Variants in UBLCP1 observed in about 807,000 individuals in gnomAD.
The protein encoded by UBLCP1 is ubiquitin-like domain-containing CTD phosphatase 1.
UBLCP1 carries 28 observed loss-of-function variants against 42.4 expected under a neutral mutation model. The ratio of observed to expected loss-of-function variants is 0.66; its 90% CI spans 0.49 to 0.90. UBLCP1 has a LOEUF of 0.90. Among genes scored for constraint, UBLCP1 ranks in the 40% least tolerant of loss-of-function variants. UBLCP1 has a pLI of 0.00. For synonymous variants in UBLCP1, 122 were observed against 120.8 expected, an observed-to-expected ratio of 1.01 and a Z score of -0.07; for missense variants, 279 against 374.5, an observed-to-expected ratio of 0.75 and a Z score of 2.10.
intron 6 of UBLCP1, among the ~76,000 whole-genome samples, chr5:159,273,050 A>T (rs1753490563): frequency 6.6e-6 from 1 of 152,162 alleles, no homozygotes; most frequent in Non-Finnish European, 1.5e-5. Context: ...GAGAGAAATT[A>T]TGTTAGTTGT....
intron 2 of UBLCP1, among the ~76,000 whole-genome samples, chr5:159,269,655 TTAGG>T (rs1195804136): frequency 1.3e-5 from 2 of 152,300 alleles, no homozygotes; most frequent in Middle Eastern, 3.4e-3. Context: ...TTAATTTTGT[TTAGG>T]TAGTTGAATA....
rs1432387170 is a variant in UBLCP1, at chr5:159,269,051, C to T, written c.136C>T (p.Leu46Phe). Residue 46 changes from leucine (L) to phenylalanine (F), a missense_variant, in exon 2 of 11, where the codon CTT becomes TTT. By Grantham distance (22) the Leu-to-Phe change is conservative (BLOSUM62 0). Coordinates refer to ENST00000296786, the MANE Select transcript of UBLCP1 (RefSeq NM_145049.5). ...TGVLPERQKL[L>F]GLKVKGKPAE... ...AGTTCTTCCAGAACGCCAAAAGTTA[C>T]TTGGACTCAAAGTTAAAGGTAATTC... The T allele has an allele frequency of 1.9e-6, 3 of 1,586,756 alleles. No individual in the cohort carries two copies. Among genetic ancestry groups the T allele is most frequent in the African/African-American group, 1.4e-5 (1 of 73,500 alleles).
intron 6 of UBLCP1, among the ~76,000 whole-genome samples, chr5:159,273,781 AT>A (rs1156730863): frequency 1.3e-5 from 2 of 151,020 alleles, no homozygotes; most frequent in East Asian, 4.0e-4. Flanking sequence ...GTATGTGTGC[AT>A]GCTGAAGATT....
At chr5:159,276,801 A>G (rs1229607240) in intron 8 of UBLCP1, among the ~76,000 whole-genome samples, 1 of 152,086 alleles carries the variant, frequency 6.6e-6, no homozygotes, top group Non-Finnish European at 1.5e-5. Flanking sequence ...GAACCTGTCA[A>G]CTCTCTGAGG....
chr5:159,272,618 C>G (rs1753484211), intron 6 of UBLCP1, among the ~76,000 whole-genome samples: 1 of 151,956 alleles, frequency 6.6e-6, no homozygotes, highest in Non-Finnish European at 1.5e-5. Context: ...TCCTTTTTTC[C>G]TGACTCCAGT....
At chr5:159,278,059 A>G (rs1163029803) in intron 8 of UBLCP1, among the ~76,000 whole-genome samples, 179 bp from the exon 9 acceptor site, 1 of 152,220 alleles carries the variant, frequency 6.6e-6, no homozygotes, top group Admixed American at 6.5e-5. Context: ...AGAAGTTTTA[A>G]TATTGCAAAA....
At chr5:159,278,211 G>T in intron 8 of UBLCP1, 27 bp from the exon 9 acceptor site, 1 of 1,462,984 alleles carries the variant, frequency 6.8e-7, no homozygotes, top group South Asian at 1.1e-5. Flanking sequence ...GATAAAATTT[G>T]AGTTAAATGT....
intron 1 of UBLCP1, among the ~76,000 whole-genome samples, chr5:159,267,164 T>C (rs1207798986): frequency 2.0e-5 from 3 of 152,298 alleles, no homozygotes; most frequent in Non-Finnish European, 2.9e-5. Context: ...TGAAAGCAGC[T>C]GGGAGGGAGG....
intron 5 of UBLCP1, 95 bp downstream of exon 5, chr5:159,270,738 C>A: frequency 1.4e-6 from 1 of 725,386 alleles, no homozygotes; most frequent in Non-Finnish European, 2.1e-6. Flanking sequence ...ACTCATGGTT[C>A]TCGTGAAATA....
chr5:159,284,297 C>A (rs1045066947), intron 10 of UBLCP1, among the ~76,000 whole-genome samples: 2 of 152,164 alleles, frequency 1.3e-5, no homozygotes, highest in Non-Finnish European at 2.9e-5. Context: ...CTTTCCCCAT[C>A]CCCACACCAC....
chr5:159,273,536 G>A (rs1753496877), intron 6 of UBLCP1, among the ~76,000 whole-genome samples: 1 of 152,134 alleles, frequency 6.6e-6, no homozygotes, highest in Non-Finnish European at 1.5e-5. Context: ...TGTAAGAATA[G>A]AAGTATCAAT....
intron 7 of UBLCP1, among the ~76,000 whole-genome samples, chr5:159,274,857 C>T (rs926291254): frequency 6.6e-6 from 1 of 152,142 alleles, no homozygotes; most frequent in Non-Finnish European, 1.5e-5. Flanking sequence ...CACATTCTTC[C>T]TCATTTTACA....
At chr5:159,270,085 T>C (rs925594816) in intron 3 of UBLCP1, 86 bp downstream of exon 3, 5 of 1,193,012 alleles carry the variant, frequency 4.2e-6, no homozygotes, top group Non-Finnish European at 5.8e-6. Flanking sequence ...TTAATTGTGG[T>C]AAAATTGTCA....
chr5:159,272,835 G>A (rs1753487153), intron 6 of UBLCP1, among the ~76,000 whole-genome samples: 1 of 152,168 alleles, frequency 6.6e-6, no homozygotes, highest in South Asian at 2.1e-4. Context: ...TACTGTAATC[G>A]TAAGCACACT....
chr5:159,275,820 A>G (rs1753529129), intron 8 of UBLCP1, among the ~76,000 whole-genome samples: 1 of 152,220 alleles, frequency 6.6e-6, no homozygotes, highest in Non-Finnish European at 1.5e-5. Context: ...TGACAGCACA[A>G]TGTTACTGGG....
intron 1 of UBLCP1, among the ~76,000 whole-genome samples, chr5:159,268,632 G>A (rs1157352245): frequency 6.6e-6 from 1 of 152,170 alleles, no homozygotes; most frequent in Non-Finnish European, 1.5e-5. Flanking sequence ...ATTTCCAGTT[G>A]AACAGTGAGA....
At chr5:159,284,852 T>C (rs1300364933) in intron 10 of UBLCP1, 52 bp from the exon 11 acceptor site, 1 of 1,598,806 alleles carries the variant, frequency 6.3e-7, no homozygotes, top group Non-Finnish European at 8.6e-7. Context: ...TTAGGTTATC[T>C]TCATGAATTT....
In UBLCP1 at chr5:159,278,240, A is replaced by G. The variant is rs536569341; in HGVS notation, c.687A>G (p.Val229=). Reference sequence around the variant, plus strand: ...TAAATGTAAACTTTTATTCTAAGGTAAAGCCTCTTGGTGTTATATGGGGAA... The same window carrying G: ...TAAATGTAAACTTTTATTCTAAGGTGAAGCCTCTTGGTGTTATATGGGGAA... ...VHTPRRGLID[V]KPLGVIWGKF... Residue 229 remains valine (V), a splice_region_variant and synonymous_variant, in exon 9 of 11, where the codon GTA becomes GTG. Transcript: ENST00000296786. 17 of 1,603,284 alleles carry G rather than the reference A, an allele frequency of 1.1e-5. No homozygotes were observed. The African/African-American group carries it at 1.3e-4, about 13-fold the overall frequency.
chr5:159,284,905 T>TA lies in UBLCP1; in HGVS notation c.932dup (p.Tyr311Ter). The TA allele has an allele frequency of 6.2e-7, 1 of 1,613,068 alleles. No homozygotes were observed. The highest frequency in any genetic ancestry group is 8.5e-7 in the Non-Finnish European group (1 of 1,179,414). ...LDLNHKYWER[Y>*]LSKKQGQ ...ACATCTTTATTTTATTTCTTGCAGA[T>TA]ATCTCTCAAAGAAGCAAGGACAGTA... is the stretch of plus-strand genomic sequence containing the variant. Residue 311 changes from tyrosine to a stop codon, truncating the protein, a stop_gained and frameshift_variant and splice_region_variant, in exon 11 of 11, where the codon TAT becomes TAAT. Coordinates refer to ENST00000296786, the MANE Select transcript of UBLCP1 (RefSeq NM_145049.5). LOFTEE classifies it high-confidence loss of function.
Sources: gnomAD v4.1 joint callset for allele counts (sites outside exome capture counted in the v4.1 genomes callset) on GRCh38, gnomAD v4.1.1 for gene constraint, MANE v1.5 for transcripts, NCBI Gene and HGNC (gene_info 2026-07-23, HGNC 2026-07-21) for gene names.